Variants in GLIS1 observed in about 807,000 individuals in gnomAD.
GLIS1 encodes the protein zinc finger protein GLIS1.
GLIS1 carries 24 observed loss-of-function variants against 63.8 expected under a neutral mutation model. That is an observed-to-expected ratio of 0.38 (90% CI 0.27 to 0.53). The LOEUF (loss-of-function observed/expected upper bound fraction) is 0.53. Among genes scored for constraint, GLIS1 ranks in the 20% least tolerant of loss-of-function variants. GLIS1 has a pLI of 0.85. For synonymous variants in GLIS1, 450 were observed against 482.5 expected (o/e 0.93, Z 0.88); for missense variants, 1,036 against 1,074.1 (o/e 0.96, Z 0.50).
chr1:53,592,457 G>C (rs747932889), intron 4 of GLIS1, among the ~76,000 whole-genome samples: 11 of 152,134 alleles, frequency 7.2e-5, no homozygotes, highest in Non-Finnish European at 1.5e-4. Flanking sequence ...CCATAAAAGA[G>C]AATATGTGAA....
intron 2 of GLIS1, among the ~76,000 whole-genome samples, chr1:53,621,870 GT>G (rs2100597912): frequency 6.6e-6 from 1 of 152,150 alleles, no homozygotes; most frequent in South Asian, 2.1e-4. Context: ...GAGTGCAGTG[GT>G]GCAATCTCCG....
At chr1:53,690,091 G>A (rs1167896096) in intron 2 of GLIS1, among the ~76,000 whole-genome samples, 1 of 152,194 alleles carries the variant, frequency 6.6e-6, no homozygotes, top group Non-Finnish European at 1.5e-5. Flanking sequence ...CCTCTGCTGT[G>A]AGCACCCTGC....
At chr1:53,528,752 TTCC>T (rs1190163611) in intron 5 of GLIS1, among the ~76,000 whole-genome samples, 2 of 152,098 alleles carry the variant, frequency 1.3e-5, no homozygotes, top group African/African-American at 4.8e-5. Flanking sequence ...GGGCCCCTGT[TTCC>T]TCCTCATCTG....
intron 4 of GLIS1, among the ~76,000 whole-genome samples, chr1:53,577,178 T>C: frequency 7.7e-6 from 1 of 129,264 alleles, no homozygotes; most frequent in Non-Finnish European, 1.6e-5. Flanking sequence ...ACCACACCCC[T>C]CTCCTGCCTT....
intron 2 of GLIS1, among the ~76,000 whole-genome samples, chr1:53,663,966 T>A (rs1646060196): frequency 6.6e-6 from 1 of 152,110 alleles, no homozygotes; most frequent in South Asian, 2.1e-4. Flanking sequence ...AAGCCACCCC[T>A]CCCTTCTCAC....
chr1:53,594,567 A>C lies in GLIS1; in HGVS notation c.861T>G (p.Asp287Glu). Residue 287 changes from aspartate (D) to glutamate (E), a missense_variant, in exon 4 of 11, where the codon GAT (aspartate) becomes GAG (glutamate). Physicochemically the swap from Asp to Glu is conservative, Grantham distance 45 (BLOSUM62 2). This residue lies in a region of GLIS1 where 592 missense variants were observed against 593.9 expected (regional missense o/e 1.00). Transcript: ENST00000628545. ...GGGCCCGCTTGGAAGGGCCCCCCAG[A>C]TCTCCCGTCAGAGGGGGGCTCCGGA... ...NGLRSPPLTG[D>E]LGGPSKRARP... 1 of 1,598,782 alleles carries C rather than the reference A, an allele frequency of 6.3e-7. No homozygotes were observed. Among genetic ancestry groups the C allele is most frequent in the Non-Finnish European group, 8.6e-7 (1 of 1,169,020 alleles).
chr1:53,660,409 T>C (rs1646014331), intron 2 of GLIS1, among the ~76,000 whole-genome samples: 1 of 152,128 alleles, frequency 6.6e-6, no homozygotes, highest in Non-Finnish European at 1.5e-5. Context: ...AACTCAGAGA[T>C]GAGGACAGCG....
chr1:53,727,359 A>G (rs960284476), intron 2 of GLIS1, among the ~76,000 whole-genome samples: 3 of 139,580 alleles, frequency 2.1e-5, no homozygotes, highest in Non-Finnish European at 4.8e-5. Context: ...TTGGGTGTGG[A>G]CACCAATCAC....
intron 2 of GLIS1, among the ~76,000 whole-genome samples, chr1:53,687,465 C>G (rs755012249): frequency 5.3e-5 from 8 of 152,194 alleles, no homozygotes; most frequent in Non-Finnish European, 1.2e-4. Context: ...CCGTGTCAGG[C>G]CTCGCACAGT....
chr1:53,620,678 T>TG (rs1401255408), intron 2 of GLIS1, among the ~76,000 whole-genome samples: 1 of 152,098 alleles, frequency 6.6e-6, no homozygotes, highest in African/African-American at 2.4e-5. Flanking sequence ...CAAGGAGGGC[T>TG]GGGGGTGGAA....
chr1:53,684,656 T>A (rs1646311297), intron 2 of GLIS1, among the ~76,000 whole-genome samples: 1 of 152,042 alleles, frequency 6.6e-6, no homozygotes, highest in Non-Finnish European at 1.5e-5. Context: ...CAGGGTCACA[T>A]CCAGGCTCTT....
intron 2 of GLIS1, among the ~76,000 whole-genome samples, chr1:53,699,372 T>A (rs888336772): frequency 5.3e-5 from 8 of 152,222 alleles, no homozygotes; most frequent in Non-Finnish European, 1.2e-4. Flanking sequence ...CCGATTGTTC[T>A]TGATGCCTGA....
At chr1:53,659,432 G>C (rs1268242560) in intron 2 of GLIS1, among the ~76,000 whole-genome samples, 3 of 152,198 alleles carry the variant, frequency 2.0e-5, no homozygotes, top group African/African-American at 7.2e-5. Context: ...AGAATGTCAA[G>C]GCTGGAGGGT....
rs1026953178 is a variant in GLIS1, at chr1:53,539,781, G to A, written c.1321-9829C>T. Among the ~76,000 whole-genome samples the A allele has an allele frequency of 6.6e-6, 1 of 152,134 alleles. No individual in the cohort carries two copies. Among genetic ancestry groups the A allele is most frequent in the Non-Finnish European group, 1.5e-5 (1 of 68,028 alleles). ...CTGGCCACCTGGAACATGGATGTGC[G>A]TGTGGGGTTCACTGAGGGGCTGGGT... On this transcript the variant is annotated intron_variant, in intron 4 of 10. Transcript: ENST00000628545. The surrounding 1 kb of genome is among the most constrained non-coding windows in gnomAD (Gnocchi z 5.0).
chr1:53,628,985 G>C (rs1279611829), intron 2 of GLIS1, among the ~76,000 whole-genome samples: 1 of 152,040 alleles, frequency 6.6e-6, no homozygotes, highest in African/African-American at 2.4e-5. Flanking sequence ...AAATAAATCT[G>C]GGCTCTGCTC....
At chr1:53,527,696 C>A (rs1208797687) in intron 5 of GLIS1, among the ~76,000 whole-genome samples, 1 of 152,234 alleles carries the variant, frequency 6.6e-6, no homozygotes, top group Non-Finnish European at 1.5e-5. Context: ...GGGGCCTGAC[C>A]CGAGGGGCCT....
chr1:53,734,286 G>T, intron 2 of GLIS1: 1 of 746,616 alleles, frequency 1.3e-6, no homozygotes, highest in Non-Finnish European at 1.6e-6. Context: ...TGGACAAATG[G>T]AATCATGTGG....
At chr1:53,724,051 G>T (rs1056985445) in intron 2 of GLIS1, among the ~76,000 whole-genome samples, 3 of 152,190 alleles carry the variant, frequency 2.0e-5, no homozygotes, top group African/African-American at 7.2e-5. Context: ...TATCAGTGCT[G>T]CCTTAAGAAC....
intron 2 of GLIS1, among the ~76,000 whole-genome samples, chr1:53,616,495 A>C (rs1035552763): frequency 6.6e-6 from 1 of 152,006 alleles, no homozygotes; most frequent in African/African-American, 2.4e-5. Context: ...TTTCCCCCTC[A>C]CTGATAAAAT....
Sources: allele counts gnomAD v4.1 joint callset (sites outside exome capture counted in the v4.1 genomes callset), GRCh38; gene constraint gnomAD v4.1.1; regional missense constraint gnomAD v4.1.1; non-coding constraint Gnocchi (gnomAD v3.1); transcripts MANE v1.5; gene names NCBI Gene and HGNC (gene_info 2026-07-23, HGNC 2026-07-21).